Variants in KIAA1217 observed in about 807,000 individuals in gnomAD.
The protein encoded by KIAA1217 is sickle tail protein homolog.
Under a neutral mutation model 163.9 loss-of-function variants are expected in KIAA1217, and 88 were observed. The ratio of observed to expected loss-of-function variants is 0.54; its 90% CI spans 0.45 to 0.64. The LOEUF (loss-of-function observed/expected upper bound fraction) is 0.64. KIAA1217 is among the 30% of genes least tolerant of loss of function. The pLI is 0.00. For synonymous variants in KIAA1217, 903 were observed against 923.1 expected, an observed-to-expected ratio of 0.98 and a Z score of 0.39; for missense variants, 2,372 against 2,475.0, an observed-to-expected ratio of 0.96 and a Z score of 0.88.
chr10:23,804,729 T>C (rs1435698618), intron 1 of KIAA1217, among the ~76,000 whole-genome samples: 1 of 152,220 alleles, frequency 6.6e-6, no homozygotes, highest in Non-Finnish European at 1.5e-5. Flanking sequence ...ATTTATGGCA[T>C]ATGTCAATGA....
intron 2 of KIAA1217, among the ~76,000 whole-genome samples, chr10:24,061,940 C>G (rs2060738772): frequency 6.6e-6 from 1 of 152,102 alleles, no homozygotes; most frequent in Admixed American, 6.6e-5. Context: ...ATTTGAGAAT[C>G]TTTCAACCAT....
chr10:24,503,804 C>T (rs919374088), intron 9 of KIAA1217, among the ~76,000 whole-genome samples: 2 of 152,234 alleles, frequency 1.3e-5, no homozygotes, highest in Non-Finnish European at 2.9e-5. Context: ...CAAGCCCTTC[C>T]CTTCACTGCT....
intron 14 of KIAA1217, among the ~76,000 whole-genome samples, chr10:24,530,750 C>A (rs900927421): frequency 6.6e-6 from 1 of 152,060 alleles, no homozygotes; most frequent in Non-Finnish European, 1.5e-5. Flanking sequence ...ATTAAAAAAT[C>A]CGCTGGGCAT....
intron 2 of KIAA1217, among the ~76,000 whole-genome samples, chr10:24,023,962 C>G (rs749093349): frequency 6.6e-6 from 1 of 151,078 alleles, no homozygotes; most frequent in South Asian, 2.1e-4. Context: ...GGTGAGGGGA[C>G]GCAGTATTGA....
chr10:24,209,389 A>T (rs1349849986), intron 1 of KIAA1217, 126 bp downstream of exon 1: 1 of 695,656 alleles, frequency 1.4e-6, no homozygotes, highest in Non-Finnish European at 2.4e-6. Context: ...ATTTCTTGGG[A>T]TGGTACATTT....
chr10:24,276,434 G>A (rs1034052526), intron 2 of KIAA1217, among the ~76,000 whole-genome samples: 1 of 152,054 alleles, frequency 6.6e-6, no homozygotes, highest in African/African-American at 2.4e-5. Flanking sequence ...AGGAAAACTG[G>A]GTTTGAATTT....
chr10:23,926,665 C>A (rs1843033824), intron 1 of KIAA1217, among the ~76,000 whole-genome samples: 1 of 151,900 alleles, frequency 6.6e-6, no homozygotes, highest in Admixed American at 6.6e-5. Context: ...GCGGAGGTTG[C>A]AGTGAGCTGA....
At chr10:23,931,900 G>C (rs1843267092) in intron 1 of KIAA1217, among the ~76,000 whole-genome samples, 1 of 152,142 alleles carries the variant, frequency 6.6e-6, no homozygotes, top group Non-Finnish European at 1.5e-5. Context: ...TCCAGGGCTG[G>C]AGGATACAAG....
intron 2 of KIAA1217, among the ~76,000 whole-genome samples, chr10:24,271,208 A>G (rs937273004): frequency 3.3e-5 from 5 of 152,122 alleles, no homozygotes; most frequent in Admixed American, 6.5e-5. Context: ...TTCTATTTTG[A>G]TTGACATAAA....
intron 1 of KIAA1217, among the ~76,000 whole-genome samples, chr10:23,743,862 A>G (rs1322119139): frequency 6.6e-6 from 1 of 151,838 alleles, no homozygotes; most frequent in South Asian, 2.1e-4. Context: ...TGTTTGGTTA[A>G]TAGGACCATG....
chr10:24,114,531 CT>C (rs533231747), intron 2 of KIAA1217, among the ~76,000 whole-genome samples: 227 of 152,296 alleles, frequency 1.5e-3, no homozygotes, highest in Non-Finnish European at 2.6e-3. Flanking sequence ...ATGTGTGTAT[CT>C]TCTCTGCACC....
chr10:24,473,439 G>A lies in KIAA1217; in HGVS notation c.1058G>A (p.Ser353Asn). 6.2e-7 allele frequency: 1 copy of A among 1,614,098 alleles called. No individual in the cohort carries two copies. The highest frequency in any genetic ancestry group is 8.5e-7 in the Non-Finnish European group (1 of 1,180,016). Residue 353 changes from serine (S) to asparagine (N), a missense_variant, in exon 6 of 21, where the codon AGC (serine) becomes AAC (asparagine). Coordinates refer to ENST00000376454, the MANE Select transcript of KIAA1217 (RefSeq NM_019590.5). The part of the protein sequence containing the change: ...NATIPRDRIS[S>N]LPVSRPISPS... ...ACCATCCCCAGGGACAGAATCTCCA[G>A]CCTGCCAGTCTCCAGACCCATCTCT...
intron 2 of KIAA1217, among the ~76,000 whole-genome samples, chr10:24,142,855 T>C (rs2064145927): frequency 6.6e-6 from 1 of 152,128 alleles, no homozygotes; most frequent in African/African-American, 2.4e-5. Flanking sequence ...TTGTTCTTGA[T>C]AATAAAAGAC....
chr10:24,108,639 G>A (rs754015235), intron 2 of KIAA1217, among the ~76,000 whole-genome samples: 11 of 152,100 alleles, frequency 7.2e-5, no homozygotes, highest in Non-Finnish European at 1.6e-4. Context: ...GAATGCAATC[G>A]ATGTAATATA....
intron 1 of KIAA1217, among the ~76,000 whole-genome samples, chr10:23,780,018 C>T (rs903037636): frequency 6.6e-6 from 1 of 152,058 alleles, no homozygotes; most frequent in African/African-American, 2.4e-5. Flanking sequence ...GTAAATGCAC[C>T]CTATGATGTT....
chr10:24,305,911 A>G (rs2041958098), intron 2 of KIAA1217, among the ~76,000 whole-genome samples: 1 of 152,056 alleles, frequency 6.6e-6, no homozygotes, highest in African/African-American at 2.4e-5. Flanking sequence ...AGAGAAAGAG[A>G]TCGCCCAGGA....
upstream of KIAA1217, chr10:24,209,054 T>G: frequency 1.5e-6 from 1 of 647,102 alleles, no homozygotes; most frequent in Non-Finnish European, 2.7e-6. Flanking sequence ...TGCACCGGAG[T>G]GGAAAATAGT....
chr10:24,534,491 T>C (rs200719980), intron 16 of KIAA1217, among the ~76,000 whole-genome samples: 1 of 152,152 alleles, frequency 6.6e-6, no homozygotes, highest in East Asian at 1.9e-4. Flanking sequence ...TGAGGGACAC[T>C]CTTCTCCATT....
chr10:24,389,076 A>G (rs2054459672), intron 3 of KIAA1217, among the ~76,000 whole-genome samples: 1 of 152,184 alleles, frequency 6.6e-6, no homozygotes, highest in Non-Finnish European at 1.5e-5. Context: ...AAGGATTATA[A>G]ATCATGCTGC....
Sources: gnomAD v4.1 joint callset for allele counts (sites outside exome capture counted in the v4.1 genomes callset) on GRCh38, gnomAD v4.1.1 for gene constraint, MANE v1.5 for transcripts, NCBI Gene and HGNC (gene_info 2026-07-23, HGNC 2026-07-21) for gene names.